Variants in KLHL32 observed in about 807,000 individuals in gnomAD.
The protein encoded by KLHL32 is kelch-like protein 32.
KLHL32 carries 35 observed loss-of-function variants against 64.8 expected under a neutral mutation model. The observed-to-expected ratio is 0.54, with a 90% CI of 0.41 to 0.72. The LOEUF (loss-of-function observed/expected upper bound fraction) is 0.72, where lower values mean the gene tolerates loss of function less well. KLHL32 is among the 30% of genes least tolerant of loss of function. The pLI is 0.00. For missense variants in KLHL32, 589 were observed against 768.5 expected (o/e 0.77, Z 2.76); for synonymous variants, 259 against 281.0 (o/e 0.92, Z 0.78).
At chr6:97,114,876 C>G (rs1797656804) in intron 7 of KLHL32, among the ~76,000 whole-genome samples, 1 of 152,150 alleles carries the variant, frequency 6.6e-6, no homozygotes, top group African/African-American at 2.4e-5. Context: ...GGCTACCTGA[C>G]TAGAGCCATT....
chr6:97,109,136 A>T (rs1796793230), intron 6 of KLHL32, among the ~76,000 whole-genome samples: 1 of 152,184 alleles, frequency 6.6e-6, no homozygotes, highest in South Asian at 2.1e-4. Context: ...CACCTGCTGA[A>T]TGAGAGCCTA....
chr6:97,000,919 G>A (rs1291312567), intron 3 of KLHL32, among the ~76,000 whole-genome samples: 2 of 152,174 alleles, frequency 1.3e-5, no homozygotes, highest in Admixed American at 6.5e-5. Context: ...CAAAGTGAAT[G>A]AAGCCAGTCT....
chr6:97,089,124 A>G (rs879384), intron 6 of KLHL32, among the ~76,000 whole-genome samples: 55,268 of 152,194 alleles, frequency 0.36, 11,110 homozygotes, highest in East Asian at 0.45. Context: ...CAGATCTGCC[A>G]ACTCCATTTC....
At chr6:96,904,339 C>CAAAAAAAAAAAAA in the KLHL32 span, among the ~76,000 whole-genome samples, 2 of 106,098 alleles carry the variant, frequency 1.9e-5, no homozygotes, top group Admixed American at 1.0e-4. Context: ...AAGACTTTGT[C>CAAAAAAAAAAAAA]AAAAAAAAAA....
intron 2 of KLHL32, among the ~76,000 whole-genome samples, chr6:96,967,499 TGA>T (rs373488464): frequency 6.7e-4 from 98 of 145,962 alleles, no homozygotes; most frequent in Admixed American, 8.9e-4. Flanking sequence ...GGATAGAGAA[TGA>T]GAGAGAGAGA....
At chr6:97,130,613 CAATA>C (rs1371251640) in intron 8 of KLHL32, 140 bp from the exon 9 acceptor site, 2 of 590,294 alleles carry the variant, frequency 3.4e-6, no homozygotes, top group African/African-American at 3.7e-5. Context: ...CCATACCTTT[CAATA>C]TATATAAACA....
At chr6:97,082,530 A>C (rs4839897) in intron 5 of KLHL32, among the ~76,000 whole-genome samples, 1 of 151,812 alleles carries the variant, frequency 6.6e-6, no homozygotes, top group African/African-American at 2.4e-5. Flanking sequence ...GGAGAATGGC[A>C]TGAACCCGGG....
chr6:96,973,011 T>A (rs1452433907), intron 2 of KLHL32, among the ~76,000 whole-genome samples: 1 of 152,192 alleles, frequency 6.6e-6, no homozygotes, highest in Non-Finnish European at 1.5e-5. Flanking sequence ...CAATAATGAT[T>A]TGTTGATTAA....
chr6:96,905,541 T>C, the KLHL32 span, among the ~76,000 whole-genome samples: 1 of 152,316 alleles, frequency 6.6e-6, no homozygotes, highest in East Asian at 1.9e-4. Context: ...ACTGCATAAT[T>C]TTGTGGTAAG....
chr6:97,078,637 A>G (rs1300657317), intron 5 of KLHL32, among the ~76,000 whole-genome samples: 1 of 152,214 alleles, frequency 6.6e-6, no homozygotes, highest in African/African-American at 2.4e-5. Context: ...GTGATAGTAC[A>G]TGATGCTTAT....
the KLHL32 span, among the ~76,000 whole-genome samples, chr6:96,913,408 C>A: frequency 6.6e-6 from 1 of 152,172 alleles, no homozygotes; most frequent in Admixed American, 6.5e-5. Flanking sequence ...TAAATGGATA[C>A]ATACCCAGTG....
At chr6:97,060,146 C>A (rs1788639297) in intron 4 of KLHL32, among the ~76,000 whole-genome samples, 2 of 152,028 alleles carry the variant, frequency 1.3e-5, no homozygotes, top group Admixed American at 1.3e-4. Flanking sequence ...ATTAAAAAAT[C>A]TCCTTATGCA....
At chr6:97,050,430 A>G (rs1786692719) in intron 4 of KLHL32, among the ~76,000 whole-genome samples, 1 of 152,100 alleles carries the variant, frequency 6.6e-6, no homozygotes, top group South Asian at 2.1e-4. Context: ...GCATGGAGGT[A>G]TGGCTGGCTT....
chr6:97,129,792 G>T (rs1299392208), intron 8 of KLHL32, among the ~76,000 whole-genome samples: 2 of 152,128 alleles, frequency 1.3e-5, no homozygotes, highest in African/African-American at 2.4e-5. Context: ...TGAGGCAGAA[G>T]AATCGACTTG....
At chr6:97,008,393 G>A (rs1305171915) in intron 3 of KLHL32, among the ~76,000 whole-genome samples, 2 of 152,126 alleles carry the variant, frequency 1.3e-5, no homozygotes, top group Non-Finnish European at 2.9e-5. Context: ...ACAGGGTAGT[G>A]CTCAGATCAG....
At chr6:97,011,968 A>G (rs1371530227) in intron 3 of KLHL32, among the ~76,000 whole-genome samples, 1 of 152,100 alleles carries the variant, frequency 6.6e-6, no homozygotes, top group Non-Finnish European at 1.5e-5. Flanking sequence ...AGATATTACA[A>G]CAACTTTACA....
intron 1 of KLHL32, among the ~76,000 whole-genome samples, chr6:96,947,701 T>G (rs962646283): frequency 1.3e-5 from 2 of 152,226 alleles, no homozygotes; most frequent in African/African-American, 4.8e-5. Context: ...TTTTATGCTC[T>G]TTGCATTGTT....
chr6:97,095,023 A>AT (rs1794778547), intron 6 of KLHL32, among the ~76,000 whole-genome samples: 2 of 152,194 alleles, frequency 1.3e-5, no homozygotes, highest in Non-Finnish European at 2.9e-5. Flanking sequence ...TGATTAATTC[A>AT]TTTGCTCTTA....
At chr6:97,081,469 A>G (rs563729304) in intron 5 of KLHL32, among the ~76,000 whole-genome samples, 11 of 152,322 alleles carry the variant, frequency 7.2e-5, no homozygotes, top group East Asian at 3.9e-4. Context: ...GGGGCAGTCT[A>G]TTCTCAGTCA....
Sources: allele counts gnomAD v4.1 joint callset (sites outside exome capture counted in the v4.1 genomes callset), GRCh38; gene constraint gnomAD v4.1.1; transcripts MANE v1.5; gene names NCBI Gene and HGNC (gene_info 2026-07-23, HGNC 2026-07-21).